Variants in EMB observed in about 807,000 individuals in gnomAD.
The protein encoded by EMB is embigin, also known as embigin homolog.
Under a neutral mutation model 41.4 loss-of-function variants are expected in EMB, and 31 were observed. The ratio of observed to expected loss-of-function variants is 0.75; its 90% CI spans 0.56 to 1.01. EMB has a LOEUF of 1.01. EMB is among the 50% of genes least tolerant of loss of function. The pLI is 0.00. For synonymous variants in EMB, 137 were observed against 140.4 expected, an observed-to-expected ratio of 0.98 and a Z score of 0.17; for missense variants, 379 against 388.3, an observed-to-expected ratio of 0.98 and a Z score of 0.20.
Position 50,441,056 on chromosome 5 carries a change from C to A in EMB, c.96G>T (p.Ala32=). The change falls in exon 1 of 9, where the codon GCG becomes GCT. Residue 32 remains alanine (A), a synonymous_variant. Coordinates refer to ENST00000303221, the MANE Select transcript of EMB (RefSeq NM_198449.3). ...CLLAAARPSS[A]DGSAPDSPFT... ...CCATCACACCTGGGGCACTGCCGTC[C>A]GCCGAGCTTGGGCGCGCGGCAGCGA... is the stretch of plus-strand genomic sequence containing the variant. 2.0e-6 allele frequency: 3 copies of A among 1,509,336 alleles called. No individual in the cohort carries two copies. Among genetic ancestry groups the A allele is most frequent in the Non-Finnish European group, 2.7e-6 (3 of 1,129,438 alleles). The allele number at this position is 1,509,336 out of a possible 1,614,324, so 93.5% of individuals were successfully genotyped here.
intron 2 of EMB, among the ~76,000 whole-genome samples, chr5:50,415,441 TATC>T (rs1745413415): frequency 6.6e-6 from 1 of 152,340 alleles, no homozygotes; most frequent in African/African-American, 2.4e-5. Flanking sequence ...TAAAAAGTTC[TATC>T]ATAAGAAACG....
intron 1 of EMB, among the ~76,000 whole-genome samples, chr5:50,438,655 G>C (rs1236204746): frequency 6.6e-6 from 1 of 152,148 alleles, no homozygotes; most frequent in African/African-American, 2.4e-5. Flanking sequence ...CTTTGGCAAA[G>C]AGAAAAATGA....
At chr5:50,433,765 C>A (rs1745761823) in intron 1 of EMB, among the ~76,000 whole-genome samples, 1 of 152,190 alleles carries the variant, frequency 6.6e-6, no homozygotes, top group Non-Finnish European at 1.5e-5. Context: ...GCAAAAACAA[C>A]AAAAGTGTAT....
intron 2 of EMB, among the ~76,000 whole-genome samples, chr5:50,426,262 C>T (rs1265185435): frequency 2.0e-5 from 3 of 152,180 alleles, no homozygotes; most frequent in Non-Finnish European, 2.9e-5. Flanking sequence ...CAGTTCACTT[C>T]GCCTCTTTGT....
In EMB at chr5:50,411,338, G is replaced by A; in HGVS notation, c.242C>T (p.Pro81Leu). 1.2e-6 allele frequency: 2 copies of A among 1,611,178 alleles called. No homozygotes were observed. The highest frequency in any genetic ancestry group is 1.7e-6 in the Non-Finnish European group (2 of 1,178,444). The change falls in exon 3 of 9, where the codon CCT becomes CTT. Residue 81 changes from proline to leucine, a missense_variant. Coordinates refer to ENST00000303221, the MANE Select transcript of EMB (RefSeq NM_198449.3). The part of the protein sequence containing the change: ...PVEKNITLER[P>L]SNVNLTCQFT... The stretch of plus-strand genomic sequence containing the variant: ...CTGGCATGTGAGATTTACATTAGAA[G>A]GCCTTTCTAAAGTGATATTTTTTTC...
rs1579717662 is a variant in EMB, at chr5:50,399,746, C to T, written c.966+113G>A. ...TAGTGTTAACAAGCATATTTGAGCA[C>T]ATCATAAATGACCAGATCTTTTATG... On this transcript the variant is annotated intron_variant, in intron 8 of 8. Coordinates refer to ENST00000303221, the MANE Select transcript of EMB (RefSeq NM_198449.3). 8.9e-6 allele frequency: 7 copies of T among 785,480 alleles called. No homozygotes were observed. In the East Asian group the frequency reaches 1.3e-4, roughly 15 times the overall value. The allele number at this position is 785,480 out of a possible 1,614,324, so 48.7% of individuals were successfully genotyped here. A position where few individuals can be genotyped will look rare whatever the true frequency, so the allele number is the denominator to read the frequency against.
At chr5:50,419,028 G>A (rs1016342675) in intron 2 of EMB, among the ~76,000 whole-genome samples, 2 of 152,140 alleles carry the variant, frequency 1.3e-5, no homozygotes, top group African/African-American at 4.8e-5. Context: ...TCCCCAGAAT[G>A]AATTCTGCAA....
intron 7 of EMB, among the ~76,000 whole-genome samples, chr5:50,400,957 G>T (rs779786748): frequency 6.6e-6 from 1 of 151,986 alleles, no homozygotes; most frequent in Non-Finnish European, 1.5e-5. Flanking sequence ...GGCAGAGCTC[G>T]GAGAATAGAG....
intron 2 of EMB, chr5:50,411,869 C>G (rs2111797180): frequency 6.6e-6 from 1 of 152,236 alleles, no homozygotes; most frequent in African/African-American, 2.4e-5. Context: ...ATATTATATT[C>G]TAACCATTCC....
chr5:50,423,423 C>T (rs1745558250), intron 2 of EMB, among the ~76,000 whole-genome samples: 1 of 152,196 alleles, frequency 6.6e-6, no homozygotes, highest in South Asian at 2.1e-4. Context: ...ATTTTTTGAA[C>T]CTGCTTTGTC....
chr5:50,421,816 G>A (rs771432067), intron 2 of EMB, among the ~76,000 whole-genome samples: 4 of 147,950 alleles, frequency 2.7e-5, no homozygotes, highest in Admixed American at 6.9e-5. Flanking sequence ...AACACCACAC[G>A]TTCTCACTCA....
rs527848077 is a variant in EMB, at chr5:50,417,385, T to C, written c.197-6002A>G. ...GTTTATATCCAAAATTTATAAAACATAATACTAATCCCTTGATTCTTGTAA... is the reference window on the plus strand; with the variant it reads ...GTTTATATCCAAAATTTATAAAACACAATACTAATCCCTTGATTCTTGTAA... On this transcript the variant is annotated intron_variant, in intron 2 of 8. Coordinates refer to ENST00000303221, the MANE Select transcript of EMB (RefSeq NM_198449.3). Among the ~76,000 whole-genome samples the C allele has an allele frequency of 2.5e-4, 38 of 152,342 alleles. No homozygotes were observed. The South Asian group carries it at 6.8e-3, about 27-fold the overall frequency.
At chr5:50,421,609 G>T (rs1444396458) in intron 2 of EMB, among the ~76,000 whole-genome samples, 1 of 151,890 alleles carries the variant, frequency 6.6e-6, no homozygotes, top group East Asian at 1.9e-4. Flanking sequence ...TGTTTATTGT[G>T]GCACTATTCA....
rs567790803 is a variant in EMB, at chr5:50,431,715, A to G, written c.113-3488T>C. 9.5e-4 allele frequency among the ~76,000 whole-genome samples: 145 copies of G among 152,218 alleles called. 1 individual carries two copies. Among genetic ancestry groups the G allele is most frequent in the Non-Finnish European group, 1.4e-3 (93 of 68,028 alleles). ...AAGTTATCAAACTCACCCTTTCTTA[A>G]TCATTGCTGGAAAATTTCCATATAG... is the stretch of plus-strand genomic sequence containing the variant. On this transcript the variant is annotated intron_variant, in intron 1 of 8. Transcript: ENST00000303221.
In EMB at chr5:50,413,061, C is replaced by G. The variant is rs114806182; in HGVS notation, c.197-1678G>C. ...CCAACAATACACACATACATACACA[C>G]GCGCCCACGCGCACACACACACACT... On this transcript the variant is annotated intron_variant, in intron 2 of 8. Transcript: ENST00000303221. 5.3e-3 allele frequency among the ~76,000 whole-genome samples: 806 copies of G among 152,118 alleles called. 6 individuals are homozygous for G. Among genetic ancestry groups the G allele is most frequent in the African/African-American group, 0.018 (762 of 41,546 alleles).
In EMB at chr5:50,399,182, A is replaced by C; in HGVS notation, c.*91T>G. The C allele has an allele frequency of 6.4e-7, 1 of 1,558,918 alleles. No individual in the cohort carries two copies. The highest frequency in any genetic ancestry group is 1.2e-5 in the South Asian group (1 of 80,920). On this transcript the variant is annotated 3_prime_UTR_variant, in exon 9 of 9. Transcript: ENST00000303221. ...TAAGCTTTTCATCCTTTTAAAACTA[A>C]AAACTCAGAGGCTCTTAACAGGAAG...
chr5:50,410,222 C>CA (rs1745312100), intron 4 of EMB, among the ~76,000 whole-genome samples: 1 of 152,086 alleles, frequency 6.6e-6, no homozygotes, highest in Admixed American at 6.6e-5. Flanking sequence ...CTAATCACCA[C>CA]AAAATACTGG....
rs1745116894 is a variant in EMB at position 50,399,121 on chromosome 5, T to C, written c.*152A>G. On this transcript the variant is annotated 3_prime_UTR_variant, in exon 9 of 9. Coordinates refer to ENST00000303221, the MANE Select transcript of EMB (RefSeq NM_198449.3). ...TGAAAATATACCTTTAGATCTGACA[T>C]ATATCGTTGATGAAGCTCCTGCTGA... The C allele has an allele frequency of 1.0e-6, 1 of 979,224 alleles. No individual in the cohort carries two copies. The highest frequency in any genetic ancestry group is 1.5e-6 in the Non-Finnish European group (1 of 685,518). The allele number at this position is 979,224 out of a possible 1,614,324, so 60.7% of individuals were successfully genotyped here.
At chr5:50,430,039 A>G (rs1278033712) in intron 1 of EMB, among the ~76,000 whole-genome samples, 3 of 151,492 alleles carry the variant, frequency 2.0e-5, no homozygotes, top group African/African-American at 7.3e-5. Flanking sequence ...ACACATATAC[A>G]CACTGCTTAA....
Sources: allele counts gnomAD v4.1 joint callset (sites outside exome capture counted in the v4.1 genomes callset), GRCh38; gene constraint gnomAD v4.1.1; transcripts MANE v1.5; gene names NCBI Gene and HGNC (gene_info 2026-07-23, HGNC 2026-07-21).